Variants in SBNO1 observed in about 807,000 individuals in gnomAD.
SBNO1 encodes the protein protein strawberry notch homolog 1.
SBNO1 carries 23 observed loss-of-function variants against 173.6 expected under a neutral mutation model. The observed-to-expected ratio is 0.13, with a 90% CI of 0.10 to 0.19. The LOEUF (loss-of-function observed/expected upper bound fraction) is 0.19, where lower values mean the gene tolerates loss of function less well. SBNO1 is among the 10% of genes least tolerant of loss of function. The pLI is 1.00. For synonymous variants in SBNO1, 632 were observed against 571.5 expected, an observed-to-expected ratio of 1.11 and a Z score of -1.51; for missense variants, 1,238 against 1,671.2, an observed-to-expected ratio of 0.74 and a Z score of 4.52.
intron 28 of SBNO1, among the ~76,000 whole-genome samples, chr12:123,307,376 AAGGAAAACACAG>A (rs1319653493): frequency 6.6e-6 from 1 of 152,132 alleles, no homozygotes; most frequent in African/African-American, 2.4e-5. Context: ...GAAAGGAAGG[AAGGAAAACACAG>A]AGGACATGCA....
At chr12:123,356,596 C>A (rs899357687) in intron 1 of SBNO1, among the ~76,000 whole-genome samples, 1 of 152,178 alleles carries the variant, frequency 6.6e-6, no homozygotes, top group Non-Finnish European at 1.5e-5. Context: ...CGCGTGCCCC[C>A]ACACCCAGCT....
intron 1 of SBNO1, among the ~76,000 whole-genome samples, chr12:123,363,157 A>C (rs1007663175): frequency 1.3e-5 from 2 of 152,154 alleles, no homozygotes; most frequent in South Asian, 2.1e-4. Context: ...GATAAAAAGC[A>C]GAAGCCAGAG....
At chr12:123,324,135 TTA>T (rs1860044336) in intron 15 of SBNO1, among the ~76,000 whole-genome samples, 2 of 152,134 alleles carry the variant, frequency 1.3e-5, no homozygotes, top group African/African-American at 4.8e-5. Flanking sequence ...CACATATGTT[TTA>T]TGTTATTTTC....
At chr12:123,311,793 T>C (rs1868601924) in intron 24 of SBNO1, among the ~76,000 whole-genome samples, 1 of 150,484 alleles carries the variant, frequency 6.6e-6, no homozygotes, top group African/African-American at 2.5e-5. Flanking sequence ...TGGAGTGCAA[T>C]GGCATCATCT....
chr12:123,331,267 A>G lies in SBNO1; in HGVS notation c.1018T>C (p.Leu340=), dbSNP rs1330362983. The change falls in exon 8 of 32, where the codon TTG becomes CTG. Residue 340 remains leucine (L), a synonymous_variant. Coordinates refer to ENST00000602398, the MANE Select transcript of SBNO1 (RefSeq NM_001167856.3). The part of the protein sequence containing the change: ...TIAGIIYENY[L]LSRKRALWFS... ...CACAATGCTCGTTTTCTACTCAACA[A>G]ATAATTTTCATAGATGATTCCTGCT... is the stretch of plus-strand genomic sequence containing the variant. 6.2e-7 allele frequency: 1 copy of G among 1,614,054 alleles called. No individual in the cohort carries two copies. The highest frequency in any genetic ancestry group is 8.5e-7 in the Non-Finnish European group (1 of 1,179,980).
chr12:123,341,385 T>C (rs1319347405), intron 4 of SBNO1, among the ~76,000 whole-genome samples: 4 of 151,502 alleles, frequency 2.6e-5, no homozygotes, highest in Non-Finnish European at 1.5e-5. Flanking sequence ...GAGGTGGAGG[T>C]TGAAATGAGC....
chr12:123,358,493 C>T (rs901070749), intron 1 of SBNO1, among the ~76,000 whole-genome samples: 2 of 152,000 alleles, frequency 1.3e-5, no homozygotes, highest in African/African-American at 2.4e-5. Context: ...GTGGCTCATG[C>T]CTATAATCCC....
intron 2 of SBNO1, among the ~76,000 whole-genome samples, chr12:123,349,843 G>A (rs1873670888): frequency 6.6e-6 from 1 of 152,026 alleles, no homozygotes; most frequent in Admixed American, 6.6e-5. Flanking sequence ...AACCCAGGAG[G>A]CAGAGGTTGC....
chr12:123,317,132 C>T, intron 21 of SBNO1, 89 bp downstream of exon 21: 1 of 1,396,106 alleles, frequency 7.2e-7, no homozygotes, highest in Non-Finnish European at 1.0e-6. Context: ...GCCTCTGTGC[C>T]CGGCCTAAAC....
chr12:123,323,106 G>C (rs996871685), intron 16 of SBNO1, among the ~76,000 whole-genome samples: 3 of 152,150 alleles, frequency 2.0e-5, no homozygotes, highest in East Asian at 3.9e-4. Flanking sequence ...ACCTAATTTC[G>C]TATGGACCTC....
intron 30 of SBNO1, among the ~76,000 whole-genome samples, chr12:123,301,298 T>C (rs1221989198): frequency 6.6e-6 from 1 of 152,188 alleles, no homozygotes. Flanking sequence ...CAATGGTGCC[T>C]AGCCAGCCTA....
chr12:123,351,966 G>A (rs1416672472), intron 1 of SBNO1, among the ~76,000 whole-genome samples: 2 of 152,110 alleles, frequency 1.3e-5, no homozygotes, highest in African/African-American at 4.8e-5. Flanking sequence ...GTTCTATGGA[G>A]TTTGCCGGGG....
chr12:123,336,403 G>A lies in SBNO1; in HGVS notation c.740C>T (p.Pro247Leu), dbSNP rs1445578864. 6.4e-7 allele frequency: 1 copy of A among 1,566,032 alleles called. No homozygotes were observed. Among genetic ancestry groups the A allele is most frequent in the African/African-American group, 1.4e-5 (1 of 73,606 alleles). ...AAATCCCGAAGACATACATTTTATT[G>A]GCATGTATTCTGCATAGGTTTCTGC... Reference protein sequence around the residue: ...GHAETYAEYMPIKLKIGLRHP... With the variant: ...GHAETYAEYMLIKLKIGLRHP... Residue 247 changes from proline (P) to leucine (L), a missense_variant, in exon 6 of 32, where the codon CCA becomes CTA. Pro to Leu is a moderately conservative substitution (Grantham distance 98). This residue lies in a region of SBNO1 where 78 missense variants were observed against 103.3 expected (regional missense o/e 0.76). Coordinates refer to ENST00000602398, the MANE Select transcript of SBNO1 (RefSeq NM_001167856.3).
intron 3 of SBNO1, among the ~76,000 whole-genome samples, chr12:123,346,078 A>C (rs958873369): frequency 4.6e-5 from 7 of 152,240 alleles, no homozygotes; most frequent in Non-Finnish European, 1.0e-4. Flanking sequence ...TATAACTGTC[A>C]GGGATGGCAA....
chr12:123,349,578 CATT>C (rs955439083), intron 2 of SBNO1, among the ~76,000 whole-genome samples: 1 of 129,426 alleles, frequency 7.7e-6, no homozygotes, highest in Non-Finnish European at 1.5e-5. Context: ...TTTTGGTTTT[CATT>C]ATTATTTTCT....
chr12:123,316,436 C>T (rs913700825), intron 21 of SBNO1, among the ~76,000 whole-genome samples: 4 of 152,070 alleles, frequency 2.6e-5, no homozygotes, highest in Admixed American at 6.6e-5. Context: ...GTTGGTCATC[C>T]TGGTCTTGAA....
intron 28 of SBNO1, among the ~76,000 whole-genome samples, chr12:123,308,549 G>A (rs1386019744): frequency 6.6e-6 from 1 of 152,012 alleles, no homozygotes; most frequent in Non-Finnish European, 1.5e-5. Flanking sequence ...GCAGGCGCCT[G>A]TAGTCCCTGC....
intron 29 of SBNO1, among the ~76,000 whole-genome samples, chr12:123,303,678 T>G (rs904738188): frequency 1.3e-5 from 2 of 151,978 alleles, no homozygotes; most frequent in African/African-American, 2.4e-5. Context: ...GACTGTGATA[T>G]TAGCATAACA....
At chr12:123,339,237 C>A (rs1314596109) in intron 5 of SBNO1, among the ~76,000 whole-genome samples, 9 of 152,062 alleles carry the variant, frequency 5.9e-5, no homozygotes, top group African/African-American at 1.4e-4. Context: ...TCCCAAAATT[C>A]TTTTGGTATC....
Sources: gnomAD v4.1 joint callset for allele counts (sites outside exome capture counted in the v4.1 genomes callset) on GRCh38, gnomAD v4.1.1 for gene constraint, gnomAD v4.1.1 regional missense constraint, MANE v1.5 for transcripts, NCBI Gene and HGNC (gene_info 2026-07-23, HGNC 2026-07-21) for gene names.